CORIN: variants seen among roughly 807,000 people sequenced by gnomAD.
The protein encoded by CORIN is corin, serine peptidase.
Under a neutral mutation model 125.3 loss-of-function variants are expected in CORIN, and 117 were observed. The observed-to-expected ratio is 0.93, with a 90% CI of 0.80 to 1.09. The LOEUF (loss-of-function observed/expected upper bound fraction) is 1.09. CORIN is among the 50% of genes least tolerant of loss of function. CORIN has a pLI of 0.00. For missense variants in CORIN, 1,253 were observed against 1,306.7 expected, an observed-to-expected ratio of 0.96 and a Z score of 0.63; for synonymous variants, 450 against 466.4, an observed-to-expected ratio of 0.96 and a Z score of 0.45.
At chr4:47,668,581 A>G (rs1014462690) in intron 10 of CORIN, among the ~76,000 whole-genome samples, 3 of 152,226 alleles carry the variant, frequency 2.0e-5, no homozygotes, top group African/African-American at 7.2e-5. Flanking sequence ...GTTCACTTAC[A>G]GATATTTCTG....
At chr4:47,720,681 T>A (rs1030197377) in intron 5 of CORIN, among the ~76,000 whole-genome samples, 17 of 152,234 alleles carry the variant, frequency 1.1e-4, no homozygotes, top group African/African-American at 4.1e-4. Context: ...ATGCTATAGG[T>A]CTACCTTTAA....
rs371012912 is a variant in CORIN at position 47,614,899 on chromosome 4, A to T, written c.2540+8672T>A. ...ACTAGATAGTAAAAAAAAAGTACAT[A>T]AACAAATAAGATTATCTCGGGCACT... On this transcript the variant is annotated intron_variant, in intron 19 of 21. Coordinates refer to ENST00000273857, the MANE Select transcript of CORIN (RefSeq NM_006587.4). Among the ~76,000 whole-genome samples the T allele has an allele frequency of 1.1e-4, 16 of 152,344 alleles. 1 individual carries two copies. The South Asian group carries it at 1.2e-3, about 12-fold the overall frequency.
At chr4:47,817,162 G>T (rs994851345) in intron 1 of CORIN, among the ~76,000 whole-genome samples, 1 of 151,980 alleles carries the variant, frequency 6.6e-6, no homozygotes, top group Admixed American at 6.6e-5. Context: ...AATTGTGTGT[G>T]ATCATCACCC....
intron 10 of CORIN, among the ~76,000 whole-genome samples, chr4:47,667,371 C>A (rs898267828): frequency 6.6e-6 from 1 of 152,190 alleles, no homozygotes; most frequent in African/African-American, 2.4e-5. Flanking sequence ...AGCAGAGAGG[C>A]TCCCAGCTCC....
chr4:47,629,083 G>T (rs574953347), intron 16 of CORIN, among the ~76,000 whole-genome samples: 1 of 152,136 alleles, frequency 6.6e-6, no homozygotes, highest in South Asian at 2.1e-4. Context: ...TCATATGGTA[G>T]GTAGTTCTAT....
intron 2 of CORIN, among the ~76,000 whole-genome samples, chr4:47,799,551 T>A (rs781319721): frequency 1.3e-5 from 2 of 152,212 alleles, no homozygotes; most frequent in Non-Finnish European, 2.9e-5. Flanking sequence ...GTTGGACACT[T>A]GTATGTTTAT....
At chr4:47,718,312 T>C (rs1727195293) in intron 5 of CORIN, among the ~76,000 whole-genome samples, 1 of 152,226 alleles carries the variant, frequency 6.6e-6, no homozygotes, top group African/African-American at 2.4e-5. Context: ...AGAGCACCTT[T>C]ATACATTCTC....
intron 4 of CORIN, among the ~76,000 whole-genome samples, chr4:47,759,873 G>A (rs1365533397): frequency 6.6e-6 from 1 of 152,134 alleles, no homozygotes; most frequent in African/African-American, 2.4e-5. Flanking sequence ...TTTAATTATA[G>A]TTCTCTTGCT....
At chr4:47,731,897 ATGT>A (rs1727892301) in intron 5 of CORIN, among the ~76,000 whole-genome samples, 1 of 152,042 alleles carries the variant, frequency 6.6e-6, no homozygotes, top group African/African-American at 2.4e-5. Context: ...AAATTAGCAA[ATGT>A]TGTTGGAGGT....
rs2109776062 is a variant in CORIN, at chr4:47,710,417, T to A, written c.800-17334A>T. On this transcript the variant is annotated intron_variant, in intron 5 of 21. Coordinates refer to ENST00000273857, the MANE Select transcript of CORIN (RefSeq NM_006587.4). ...CTTGATAAATGCTTTATTGCAATGT[T>A]CATGTGTATGACTTTATTTTGTAAT... Among the ~76,000 whole-genome samples the A allele has an allele frequency of 3.3e-5, 5 of 152,392 alleles. 1 individual carries two copies. Among genetic ancestry groups the A allele is most frequent in the Admixed American group, 3.3e-4 (5 of 15,312 alleles).
chr4:47,679,963 C>A (rs1478671435), intron 8 of CORIN, 178 bp downstream of exon 8: 5 of 499,398 alleles, frequency 1.0e-5, no homozygotes, highest in African/African-American at 7.9e-5. Context: ...AGATACACTC[C>A]ATTGCTATTG....
intron 13 of CORIN, among the ~76,000 whole-genome samples, chr4:47,650,187 A>G (rs767032576): frequency 1.2e-4 from 19 of 152,250 alleles, no homozygotes; most frequent in Non-Finnish European, 2.6e-4. Flanking sequence ...AGAGGAGACC[A>G]AAGATAGGTG....
chr4:47,670,439 A>T (rs1481737692), intron 10 of CORIN, among the ~76,000 whole-genome samples: 1 of 152,180 alleles, frequency 6.6e-6, no homozygotes, highest in Non-Finnish European at 1.5e-5. Context: ...TCTCTACCAC[A>T]TGACTACACC....
At chr4:47,823,558 A>T (rs1047354857) in intron 1 of CORIN, among the ~76,000 whole-genome samples, 2 of 152,198 alleles carry the variant, frequency 1.3e-5, no homozygotes, top group Non-Finnish European at 2.9e-5. Flanking sequence ...ACACATACAC[A>T]TAGGCCTCTG....
At position 47,693,043 on chromosome 4, in the gene CORIN, TCCA is replaced by T. The variant is rs747637567; in HGVS notation, c.837_839del (p.Ser279_Gly280delinsArg). ...ATTGCAGTTTCCCGGGGATGCAGAT[TCCA>T]CTGGCACACAGAAAGTTCTCACCCC... On this transcript the variant is annotated inframe_deletion, in exon 6 of 22. Coordinates refer to ENST00000273857, the MANE Select transcript of CORIN (RefSeq NM_006587.4). 1.9e-4 allele frequency: 309 copies of T among 1,613,666 alleles called. No individual in the cohort carries two copies. The highest frequency in any genetic ancestry group is 2.5e-4 in the Non-Finnish European group (295 of 1,179,838).
At chr4:47,754,410 G>C (rs1417859618) in intron 4 of CORIN, among the ~76,000 whole-genome samples, 1 of 152,096 alleles carries the variant, frequency 6.6e-6, no homozygotes, top group East Asian at 1.9e-4. Context: ...AGCAGCAAAT[G>C]ACTTCAGAAT....
At chr4:47,798,884 A>G (rs998108027) in intron 2 of CORIN, among the ~76,000 whole-genome samples, 1 of 149,864 alleles carries the variant, frequency 6.7e-6, no homozygotes, top group African/African-American at 2.5e-5. Flanking sequence ...CTTTATGACC[A>G]TGAGACTCTA....
At chr4:47,805,787 G>A (rs1197119564) in intron 2 of CORIN, among the ~76,000 whole-genome samples, 1 of 152,184 alleles carries the variant, frequency 6.6e-6, no homozygotes, top group East Asian at 1.9e-4. Context: ...AGATCTAAGT[G>A]TGTAACTTCT....
At chr4:47,816,846 GCA>G (rs58486505) in intron 1 of CORIN, among the ~76,000 whole-genome samples, 4,392 of 150,712 alleles carry the variant, frequency 0.029, 93 homozygotes, top group Non-Finnish European at 0.045. Context: ...ACACACACGT[GCA>G]CACACACACA....
Sources: allele counts gnomAD v4.1 joint callset (sites outside exome capture counted in the v4.1 genomes callset), GRCh38; gene constraint gnomAD v4.1.1; transcripts MANE v1.5; gene names NCBI Gene and HGNC (gene_info 2026-07-23, HGNC 2026-07-21).